Variants in LDLRAD4 observed in about 807,000 individuals in gnomAD.
The protein encoded by LDLRAD4 is low-density lipoprotein receptor class A domain-containing protein 4.
In LDLRAD4, 5 loss-of-function variants were observed where a neutral mutation model predicts 17.0. The observed-to-expected ratio is 0.29, with a 90% CI of 0.15 to 0.62. The LOEUF (loss-of-function observed/expected upper bound fraction) is 0.62. Ranked by LOEUF, LDLRAD4 falls within the 20% of genes least tolerant of loss-of-function variation. The pLI, the probability that LDLRAD4 is intolerant of heterozygous loss-of-function variation, is 0.84. For missense variants in LDLRAD4, 340 were observed against 424.7 expected, an observed-to-expected ratio of 0.80 and a Z score of 1.75; for synonymous variants, 168 against 171.8, an observed-to-expected ratio of 0.98 and a Z score of 0.17.
chr18:13,297,090 C>T (rs2046320266), intron 1 of LDLRAD4, among the ~76,000 whole-genome samples: 1 of 152,176 alleles, frequency 6.6e-6, no homozygotes, highest in Non-Finnish European at 1.5e-5. Flanking sequence ...GCACAGTTCA[C>T]GACTTCCTCT....
At chr18:13,432,548 G>A (rs2090412393) in intron 2 of LDLRAD4, among the ~76,000 whole-genome samples, 1 of 152,192 alleles carries the variant, frequency 6.6e-6, no homozygotes, top group Non-Finnish European at 1.5e-5. Flanking sequence ...GGGCCAGTGA[G>A]GTCCCATGAC....
intron 3 of LDLRAD4, among the ~76,000 whole-genome samples, chr18:13,517,949 T>C (rs1258719054): frequency 1.3e-5 from 2 of 152,150 alleles, no homozygotes; most frequent in South Asian, 2.1e-4. Flanking sequence ...TGTGTTAGGA[T>C]GGTCTCGATC....
At chr18:13,218,484 CTG>C (rs2041269656), upstream of LDLRAD4, among the ~76,000 whole-genome samples, 3 of 152,116 alleles carry the variant, frequency 2.0e-5, no homozygotes, top group South Asian at 6.2e-4. Context: ...GCAGCCCCAA[CTG>C]TCTCCGCGCC....
intron 1 of LDLRAD4, among the ~76,000 whole-genome samples, chr18:13,304,832 G>A (rs1175109370): frequency 6.6e-6 from 1 of 152,210 alleles, no homozygotes; most frequent in African/African-American, 2.4e-5. Flanking sequence ...GGGATCCCTA[G>A]GGATGGGGAC....
At chr18:13,558,412 C>T (rs958679220) in intron 3 of LDLRAD4, among the ~76,000 whole-genome samples, 6 of 152,220 alleles carry the variant, frequency 3.9e-5, no homozygotes, top group Non-Finnish European at 5.9e-5. Context: ...GCCCAGGCCA[C>T]GTGGTGAAGA....
Position 13,446,407 on chromosome 18 carries a change from C to T in LDLRAD4, c.181+8023C>T, listed in dbSNP as rs116280801. Among the ~76,000 whole-genome samples, 381 of 152,292 alleles carry T rather than the reference C, an allele frequency of 2.5e-3. 2 individuals carry two copies. Among genetic ancestry groups the T allele is most frequent in the African/African-American group, 8.7e-3 (363 of 41,556 alleles). Reference sequence around the variant, plus strand: ...TGGTGGGGATCAAACCAACCGTCTTCTGTTCAGAAGGGCCACAGAGGATGA... The same window carrying T: ...TGGTGGGGATCAAACCAACCGTCTTTTGTTCAGAAGGGCCACAGAGGATGA... On this transcript the variant is annotated intron_variant, in intron 3 of 5. Coordinates refer to ENST00000359446, the Ensembl canonical transcript of LDLRAD4.
chr18:13,273,454 C>T (rs2044678576), upstream of LDLRAD4, among the ~76,000 whole-genome samples: 1 of 152,160 alleles, frequency 6.6e-6, no homozygotes, highest in African/African-American at 2.4e-5. Flanking sequence ...GTGCGCACCA[C>T]CACATCCGGC....
intron 4 of LDLRAD4, among the ~76,000 whole-genome samples, chr18:13,633,257 A>G (rs2148904739): frequency 6.6e-6 from 1 of 152,358 alleles, no homozygotes; most frequent in South Asian, 2.1e-4. Flanking sequence ...TGATTGGTCC[A>G]TGGACGGCCA....
chr18:13,290,130 C>G (rs1037410088), intron 1 of LDLRAD4, among the ~76,000 whole-genome samples: 1 of 152,172 alleles, frequency 6.6e-6, no homozygotes, highest in African/African-American at 2.4e-5. Context: ...TGGTGCCTCC[C>G]CTTTGCTGAT....
At chr18:13,436,024 G>T (rs1366254535) in intron 2 of LDLRAD4, among the ~76,000 whole-genome samples, 3 of 152,200 alleles carry the variant, frequency 2.0e-5, no homozygotes, top group Non-Finnish European at 4.4e-5. Flanking sequence ...ATTTCACAGG[G>T]TTCTTATGAG....
In LDLRAD4 at chr18:13,440,701, A is replaced by G. The variant is rs2090967011; in HGVS notation, c.181+2317A>G. Among the ~76,000 whole-genome samples the G allele has an allele frequency of 6.6e-6, 1 of 152,162 alleles. No homozygotes were observed. The highest frequency in any genetic ancestry group is 2.1e-4 in the South Asian group (1 of 4,824). Reference sequence around the variant, plus strand: ...CAGGCACACTTCCTGCCGTGTAAGCATCTAAAGGAAAGAACGTCCATGGGA... The same window carrying G: ...CAGGCACACTTCCTGCCGTGTAAGCGTCTAAAGGAAAGAACGTCCATGGGA... On this transcript the variant is annotated intron_variant, in intron 3 of 5. Transcript: ENST00000359446. The surrounding 1 kb of genome is among the most constrained non-coding windows in gnomAD (Gnocchi z 4.4).
At chr18:13,572,611 G>A (rs1251066471) in intron 3 of LDLRAD4, among the ~76,000 whole-genome samples, 5 of 152,206 alleles carry the variant, frequency 3.3e-5, no homozygotes, top group African/African-American at 7.2e-5. Context: ...AAGAGTCAGC[G>A]GGAGGAGAGG....
intron 1 of LDLRAD4, among the ~76,000 whole-genome samples, chr18:13,253,979 C>A (rs777448794): frequency 2.9e-4 from 44 of 152,232 alleles, no homozygotes; most frequent in Non-Finnish European, 5.6e-4. Flanking sequence ...TGCTTGGGGG[C>A]TTGCTGCGAT....
intron 2 of LDLRAD4, among the ~76,000 whole-genome samples, chr18:13,406,921 T>C (rs1568110025): frequency 6.6e-6 from 1 of 152,072 alleles, no homozygotes; most frequent in Non-Finnish European, 1.5e-5. Context: ...CCATAACCTT[T>C]GTAGAGCAGA....
chr18:13,224,638 C>G (rs888353721), intron 1 of LDLRAD4, among the ~76,000 whole-genome samples: 1 of 151,720 alleles, frequency 6.6e-6, no homozygotes, highest in Non-Finnish European at 1.5e-5. Context: ...TGCCACCACG[C>G]CCGGCTAATT....
intron 1 of LDLRAD4, among the ~76,000 whole-genome samples, chr18:13,256,507 G>T (rs1380692713): frequency 1.3e-5 from 2 of 152,204 alleles, no homozygotes; most frequent in Non-Finnish European, 2.9e-5. Flanking sequence ...GAAATACTGA[G>T]TTAGGACAGT....
chr18:13,492,261 C>T (rs9966391), intron 3 of LDLRAD4, among the ~76,000 whole-genome samples: 12,245 of 152,278 alleles, frequency 0.08, 1,619 homozygotes, highest in African/African-American at 0.28. Flanking sequence ...CCCCAGTGCA[C>T]GGAAAGGTGA....
At chr18:13,348,557 T>A (rs2082841356) in intron 1 of LDLRAD4, among the ~76,000 whole-genome samples, 1 of 152,166 alleles carries the variant, frequency 6.6e-6, no homozygotes, top group South Asian at 2.1e-4. Context: ...CATTCTCAGA[T>A]CTCAAGCGGC....
chr18:13,299,697 T>G (rs2046471079), intron 1 of LDLRAD4, among the ~76,000 whole-genome samples: 2 of 151,998 alleles, frequency 1.3e-5, no homozygotes, highest in Admixed American at 6.5e-5. Flanking sequence ...AGAAATTTAG[T>G]CAGGTATAGT....
Sources: allele counts gnomAD v4.1 joint callset (sites outside exome capture counted in the v4.1 genomes callset), GRCh38; gene constraint gnomAD v4.1.1; non-coding constraint Gnocchi (gnomAD v3.1); transcripts MANE v1.5; gene names NCBI Gene and HGNC (gene_info 2026-07-23, HGNC 2026-07-21).